The following FMN2 variants were observed in gnomAD, a reference collection of about 807,000 sequenced individuals.
FMN2 encodes the protein formin 2.
A neutral mutation model predicts 142.3 loss-of-function variants in FMN2; 51 were observed. That is an observed-to-expected ratio of 0.36 (90% CI 0.29 to 0.45). The LOEUF (loss-of-function observed/expected upper bound fraction) is 0.45. Among genes scored for constraint, FMN2 ranks in the 20% least tolerant of loss-of-function variants. The probability of loss-of-function intolerance (pLI) is 1.00; values close to 1 mark genes in which losing one functional copy is unlikely to be tolerated. For missense variants in FMN2, 1,936 were observed against 2,122.8 expected (o/e 0.91, Z 1.73); for synonymous variants, 882 against 869.8 (o/e 1.01, Z -0.25).
At chr1:240,373,283 A>G (rs1346395771) in intron 14 of FMN2, among the ~76,000 whole-genome samples, 4 of 152,158 alleles carry the variant, frequency 2.6e-5, no homozygotes, top group Non-Finnish European at 1.5e-5. Context: ...CTGCTCGCTG[A>G]CAGGTCAGGG....
chr1:240,127,269 C>T (rs888910518), intron 2 of FMN2, among the ~76,000 whole-genome samples: 9 of 151,886 alleles, frequency 5.9e-5, no homozygotes, highest in Non-Finnish European at 1.0e-4. Flanking sequence ...GACAGGGTTT[C>T]GCCATGTTGG....
At chr1:240,165,130 T>A (rs1664427941) in intron 2 of FMN2, among the ~76,000 whole-genome samples, 1 of 152,316 alleles carries the variant, frequency 6.6e-6, no homozygotes, top group South Asian at 2.1e-4. Flanking sequence ...AGTTCTAGAA[T>A]TGCTCAGTTT....
At chr1:240,215,715 C>G (rs1227454077) in intron 6 of FMN2, among the ~76,000 whole-genome samples, 1 of 151,788 alleles carries the variant, frequency 6.6e-6, no homozygotes, top group African/African-American at 2.4e-5. Context: ...AGATTTCTTT[C>G]TTTCTTTTTT....
chr1:240,312,445 G>A (rs568432409), intron 8 of FMN2, among the ~76,000 whole-genome samples: 2 of 152,084 alleles, frequency 1.3e-5, no homozygotes, highest in Admixed American at 6.5e-5. Flanking sequence ...GACATTGTAC[G>A]CATATTCACT....
At chr1:240,435,447 A>G (rs969563203) in intron 15 of FMN2, among the ~76,000 whole-genome samples, 1 of 151,728 alleles carries the variant, frequency 6.6e-6, no homozygotes, top group African/African-American at 2.4e-5. Context: ...ATCAGCCCCA[A>G]TTGAATTAGT....
intron 15 of FMN2, among the ~76,000 whole-genome samples, chr1:240,416,076 C>T (rs143111497): frequency 1.1e-4 from 17 of 152,228 alleles, no homozygotes; most frequent in Admixed American, 1.1e-3. Flanking sequence ...CTGCACACAT[C>T]AGTCTCCTTT....
chr1:240,202,629 T>C (rs1572054571), intron 4 of FMN2, among the ~76,000 whole-genome samples: 1 of 152,094 alleles, frequency 6.6e-6, no homozygotes, highest in African/African-American at 2.4e-5. Context: ...CACCTGGCTA[T>C]TTATTTTCCA....
intron 15 of FMN2, among the ~76,000 whole-genome samples, chr1:240,425,349 T>C (rs1299758661): frequency 1.3e-5 from 2 of 152,086 alleles, no homozygotes; most frequent in African/African-American, 4.8e-5. Context: ...TAGGTAAAGA[T>C]GGGATATTAC....
At chr1:240,107,679 A>G (rs1661664562) in intron 1 of FMN2, among the ~76,000 whole-genome samples, 2 of 152,004 alleles carry the variant, frequency 1.3e-5, no homozygotes, top group Admixed American at 6.6e-5. Flanking sequence ...ATTAGATTAA[A>G]TTTCTCTATT....
At chr1:240,200,400 G>A (rs1294311460) in intron 4 of FMN2, among the ~76,000 whole-genome samples, 3 of 152,214 alleles carry the variant, frequency 2.0e-5, no homozygotes, top group East Asian at 1.9e-4. Context: ...TCTCTAGAGC[G>A]CTTTACAGGA....
chr1:240,151,684 G>A (rs1663783491), intron 2 of FMN2, among the ~76,000 whole-genome samples: 1 of 152,096 alleles, frequency 6.6e-6, no homozygotes, highest in Non-Finnish European at 1.5e-5. Context: ...CTAATTTTAA[G>A]ACTGAATCAC....
chr1:240,357,459 T>C (rs1048212561), intron 14 of FMN2, among the ~76,000 whole-genome samples: 13 of 152,230 alleles, frequency 8.5e-5, no homozygotes, highest in Non-Finnish European at 1.2e-4. Context: ...ATCAGCCGAA[T>C]ATGATATCTC....
intron 2 of FMN2, among the ~76,000 whole-genome samples, chr1:240,131,803 T>C (rs16839454): frequency 0.015 from 2,323 of 152,084 alleles, 68 homozygotes; most frequent in African/African-American, 0.052. Context: ...GGAGTATAAA[T>C]TGGGAGAATG....
intron 1 of FMN2, among the ~76,000 whole-genome samples, chr1:240,095,379 A>G (rs1661161652): frequency 9.1e-6 from 1 of 109,686 alleles, no homozygotes; most frequent in Non-Finnish European, 1.9e-5. Flanking sequence ...GTAAGCATAT[A>G]TGTGCATACA....
chr1:240,433,551 T>A (rs187846083), intron 15 of FMN2, among the ~76,000 whole-genome samples: 16 of 152,248 alleles, frequency 1.1e-4, no homozygotes, highest in African/African-American at 3.9e-4. Context: ...TAAAAGGGAG[T>A]TTTCTCTTGG....
chr1:240,269,595 T>G (rs914312584), intron 7 of FMN2, among the ~76,000 whole-genome samples: 3 of 152,070 alleles, frequency 2.0e-5, no homozygotes, highest in African/African-American at 7.2e-5. Context: ...ACACTGGAAT[T>G]TTGATTGGGA....
chr1:240,181,415 CATCTCACTTTAACTTTTTCACG>C (rs1436240347), intron 3 of FMN2, among the ~76,000 whole-genome samples: 1 of 152,164 alleles, frequency 6.6e-6, no homozygotes, highest in African/African-American at 2.4e-5. Flanking sequence ...GCATAGGGAG[CATCTCACTTTAACTTTTTCACG>C]ATCTGTTCTG....
intron 15 of FMN2, among the ~76,000 whole-genome samples, chr1:240,412,318 G>A (rs1674425560): frequency 6.6e-6 from 1 of 152,122 alleles, no homozygotes; most frequent in African/African-American, 2.4e-5. Context: ...TGAGTAATTG[G>A]GTCAGGAGCT....
chr1:240,348,454 C>A (rs1671987818), intron 13 of FMN2, among the ~76,000 whole-genome samples: 2 of 151,416 alleles, frequency 1.3e-5, no homozygotes, highest in Admixed American at 1.3e-4. Context: ...AACTCCTGAC[C>A]TCAGGTTATC....
Sources: gnomAD v4.1 joint callset for allele counts (sites outside exome capture counted in the v4.1 genomes callset) on GRCh38, gnomAD v4.1.1 for gene constraint, MANE v1.5 for transcripts, NCBI Gene and HGNC (gene_info 2026-07-23, HGNC 2026-07-21) for gene names.